The following ADAMTS3 variants were observed in gnomAD, a reference collection of about 807,000 sequenced individuals.
The protein encoded by ADAMTS3 is ADAM metallopeptidase with thrombospondin type 1 motif 3, also known as A disintegrin and metalloproteinase with thrombospondin motifs 3.
In ADAMTS3, 73 loss-of-function variants were observed where a neutral mutation model predicts 129.0. That is an observed-to-expected ratio of 0.57 (90% CI 0.47 to 0.69). The LOEUF is 0.69. ADAMTS3 is among the 30% of genes least tolerant of loss of function. The pLI, the probability that ADAMTS3 is intolerant of heterozygous loss-of-function variation, is 0.00. For synonymous variants in ADAMTS3, 477 were observed against 510.8 expected (o/e 0.93, Z 0.89); for missense variants, 1,457 against 1,514.5 (o/e 0.96, Z 0.63).
chr4:72,482,325 T>TA (rs1271405477), intron 3 of ADAMTS3, among the ~76,000 whole-genome samples: 2 of 150,762 alleles, frequency 1.3e-5, no homozygotes, highest in South Asian at 4.2e-4. Flanking sequence ...TACACATCAA[T>TA]AAAAAAAATG....
intron 4 of ADAMTS3, among the ~76,000 whole-genome samples, chr4:72,373,089 A>C (rs1721050773): frequency 1.3e-5 from 2 of 152,242 alleles, no homozygotes; most frequent in Non-Finnish European, 2.9e-5. Flanking sequence ...TGTGGAAACT[A>C]GAAAGGTAAT....
chr4:72,472,108 G>T lies in ADAMTS3; in HGVS notation c.505-57137C>A, dbSNP rs1269684269. ...ACTGAGTTTAACATCTGGAAATCCTGGTCCAGGAAAAATGAGACAGGGCTT... is the reference window on the plus strand; with the variant it reads ...ACTGAGTTTAACATCTGGAAATCCTTGTCCAGGAAAAATGAGACAGGGCTT... On this transcript the variant is annotated intron_variant, in intron 3 of 21. Transcript: ENST00000286657. Among the ~76,000 whole-genome samples, 6 of 152,014 alleles carry T rather than the reference G, an allele frequency of 3.9e-5. 1 individual carries two copies. The highest frequency in any genetic ancestry group is 2.6e-4 in the Admixed American group (4 of 15,236).
intron 4 of ADAMTS3, among the ~76,000 whole-genome samples, chr4:72,384,012 TA>T (rs1721370754): frequency 6.7e-6 from 1 of 150,374 alleles, no homozygotes; most frequent in Non-Finnish European, 1.5e-5. Flanking sequence ...AATAATACAA[TA>T]AATATATATA....
intron 3 of ADAMTS3, among the ~76,000 whole-genome samples, chr4:72,462,279 A>G (rs1422342920): frequency 6.6e-6 from 1 of 151,946 alleles, no homozygotes; most frequent in Non-Finnish European, 1.5e-5. Flanking sequence ...CAACATCTAT[A>G]ACAACATAAG....
At chr4:72,553,562 T>C (rs1011687786) in intron 2 of ADAMTS3, among the ~76,000 whole-genome samples, 15 of 152,174 alleles carry the variant, frequency 9.9e-5, no homozygotes, top group South Asian at 2.1e-4. Flanking sequence ...TCCTGCTCTC[T>C]GGAAGGAAAG....
chr4:72,302,644 G>A (rs760086373), intron 17 of ADAMTS3, among the ~76,000 whole-genome samples: 10 of 151,866 alleles, frequency 6.6e-5, no homozygotes, highest in Admixed American at 1.3e-4. Context: ...AACCTACAAA[G>A]CCAAGATTCT....
chr4:72,568,858 GA>G lies in ADAMTS3; in HGVS notation c.-97del. 1 of 843,344 alleles carries G rather than the reference GA, an allele frequency of 1.2e-6. No homozygotes were observed. Among genetic ancestry groups the G allele is most frequent in the Middle Eastern group, 3.3e-4 (1 of 3,004 alleles). The allele number at this position is 843,344 out of a possible 1,614,324, so 52.2% of individuals were successfully genotyped here. ...AAATAAGTTTCTTTAAGAAAAAAAGGAAAAGGGAAAAAATGCGAAATAGAAA... is the reference window on the plus strand; with the variant it reads ...AAATAAGTTTCTTTAAGAAAAAAAGGAAAGGGAAAAAATGCGAAATAGAAA... On this transcript the variant is annotated 5_prime_UTR_variant, in exon 1 of 22. Coordinates refer to ENST00000286657, the MANE Select transcript of ADAMTS3 (RefSeq NM_014243.3).
At chr4:72,301,889 A>G (rs1224485004) in intron 17 of ADAMTS3, among the ~76,000 whole-genome samples, 2 of 152,038 alleles carry the variant, frequency 1.3e-5, no homozygotes, top group Non-Finnish European at 2.9e-5. Flanking sequence ...TCACCTAGAA[A>G]TCTACATGGG....
At chr4:72,438,047 T>C (rs1414395816) in intron 3 of ADAMTS3, among the ~76,000 whole-genome samples, 2 of 151,736 alleles carry the variant, frequency 1.3e-5, no homozygotes, top group African/African-American at 2.4e-5. Context: ...GCTATTGTGA[T>C]TTAAAGTGAT....
At chr4:72,324,148 T>C (rs1358957926) in intron 5 of ADAMTS3, among the ~76,000 whole-genome samples, 1 of 152,156 alleles carries the variant, frequency 6.6e-6, no homozygotes, top group Non-Finnish European at 1.5e-5. Flanking sequence ...ATTTGAACAG[T>C]AGACACAGCA....
intron 3 of ADAMTS3, among the ~76,000 whole-genome samples, chr4:72,530,071 A>ATATATAT (rs1560553586): frequency 1.2e-4 from 1 of 8,078 alleles, no homozygotes; most frequent in Non-Finnish European, 1.8e-4. Context: ...GTTATATATA[A>ATATATAT]CATATTATAT....
chr4:72,455,830 TAC>T (rs1329884828), intron 3 of ADAMTS3, among the ~76,000 whole-genome samples: 1 of 131,230 alleles, frequency 7.6e-6, no homozygotes, highest in Non-Finnish European at 1.6e-5. Flanking sequence ...ATATAGTATA[TAC>T]AGTGTATATA....
At chr4:72,386,408 G>A (rs749878057) in intron 4 of ADAMTS3, among the ~76,000 whole-genome samples, 7 of 151,418 alleles carry the variant, frequency 4.6e-5, no homozygotes, top group Non-Finnish European at 8.9e-5. Context: ...CAAAAATATT[G>A]GCAAACAACA....
At chr4:72,341,624 G>C (rs772566433) in intron 4 of ADAMTS3, among the ~76,000 whole-genome samples, 1 of 152,158 alleles carries the variant, frequency 6.6e-6, no homozygotes, top group Non-Finnish European at 1.5e-5. Flanking sequence ...CAGAGAAAAC[G>C]TCCAATGGAA....
At chr4:72,488,203 T>C (rs904393881) in intron 3 of ADAMTS3, among the ~76,000 whole-genome samples, 33 of 151,994 alleles carry the variant, frequency 2.2e-4, no homozygotes, top group African/African-American at 8.0e-4. Context: ...TAGTGTTGTG[T>C]ATTCAATATA....
At chr4:72,437,118 GTTAA>G (rs1223067893) in intron 3 of ADAMTS3, among the ~76,000 whole-genome samples, 2 of 151,774 alleles carry the variant, frequency 1.3e-5, no homozygotes, top group African/African-American at 4.8e-5. Context: ...CATGACAATA[GTTAA>G]AAGTAGAACT....
intron 2 of ADAMTS3, among the ~76,000 whole-genome samples, chr4:72,559,246 C>T (rs1721842896): frequency 6.6e-6 from 1 of 151,686 alleles, no homozygotes; most frequent in South Asian, 2.1e-4. Context: ...GGAGTCATGA[C>T]TTCTACATGA....
chr4:72,486,522 G>A (rs1004476664), intron 3 of ADAMTS3, among the ~76,000 whole-genome samples: 19 of 152,100 alleles, frequency 1.2e-4, no homozygotes, highest in Admixed American at 3.9e-4. Flanking sequence ...AGAGCCCTCC[G>A]TCATTAATAA....
intron 4 of ADAMTS3, among the ~76,000 whole-genome samples, chr4:72,349,656 AT>A (rs1341842539): frequency 2.6e-5 from 4 of 151,986 alleles, no homozygotes; most frequent in Non-Finnish European, 5.9e-5. Context: ...ACACTTAGAC[AT>A]TTTTTAAGTA....
Sources: gnomAD v4.1 joint callset for allele counts (sites outside exome capture counted in the v4.1 genomes callset) on GRCh38, gnomAD v4.1.1 for gene constraint, MANE v1.5 for transcripts, NCBI Gene and HGNC (gene_info 2026-07-23, HGNC 2026-07-21) for gene names.